The following WDR27 variants were observed in gnomAD, a reference collection of about 807,000 sequenced individuals.
The protein encoded by WDR27 is WD repeat-containing protein 27.
In WDR27, 100 loss-of-function variants were observed where a neutral mutation model predicts 114.4. The observed-to-expected ratio is 0.87, with a 90% CI of 0.74 to 1.03. The LOEUF (loss-of-function observed/expected upper bound fraction) is 1.03. WDR27 is among the 50% of genes least tolerant of loss of function. The pLI, the probability that WDR27 is intolerant of heterozygous loss-of-function variation, is 0.00. For missense variants in WDR27, 1,129 were observed against 1,092.9 expected (o/e 1.03, Z -0.47); for synonymous variants, 449 against 423.1 (o/e 1.06, Z -0.75).
chr6:169,487,033 C>CG (rs1049256656), intron 25 of WDR27, among the ~76,000 whole-genome samples: 13 of 152,134 alleles, frequency 8.5e-5, no homozygotes, highest in African/African-American at 3.1e-4. Flanking sequence ...CTGAGCAGAC[C>CG]GGACTGGGTC....
intron 25 of WDR27, among the ~76,000 whole-genome samples, chr6:169,553,256 G>C (rs1489402685): frequency 6.6e-6 from 1 of 151,978 alleles, no homozygotes; most frequent in Non-Finnish European, 1.5e-5. Context: ...GGGAGCCGCC[G>C]ACCTCTCACT....
At chr6:169,430,519 G>A in the WDR27 span, among the ~76,000 whole-genome samples, 1 of 152,232 alleles carries the variant, frequency 6.6e-6, no homozygotes, top group Non-Finnish European at 1.5e-5. Flanking sequence ...CCAAGTGCCG[G>A]AAACCTAGTA....
chr6:169,440,455 C>T, the WDR27 span, among the ~76,000 whole-genome samples: 2 of 152,110 alleles, frequency 1.3e-5, no homozygotes. Context: ...ACACAGAGTT[C>T]ACCAAACCAC....
At chr6:169,630,950 A>G (rs938297565) in intron 21 of WDR27, among the ~76,000 whole-genome samples, 8 of 152,234 alleles carry the variant, frequency 5.3e-5, no homozygotes, top group Non-Finnish European at 1.0e-4. Flanking sequence ...TTTAAAAGTT[A>G]GTAACTCAAT....
chr6:169,427,590 C>G, the WDR27 span, among the ~76,000 whole-genome samples: 2 of 152,034 alleles, frequency 1.3e-5, no homozygotes, highest in African/African-American at 4.8e-5. Context: ...GGTGTCTTTC[C>G]CAGTAATGTC....
intron 16 of WDR27, among the ~76,000 whole-genome samples, chr6:169,646,747 C>CAA (rs201219275): frequency 6.0e-4 from 47 of 78,536 alleles, no homozygotes; most frequent in East Asian, 1.2e-3. Context: ...GTCTCTGTCT[C>CAA]AAAAAAAAAA....
At chr6:169,619,743 A>C (rs1022395017) in intron 21 of WDR27, among the ~76,000 whole-genome samples, 1 of 152,366 alleles carries the variant, frequency 6.6e-6, no homozygotes, top group Non-Finnish European at 1.5e-5. Flanking sequence ...TTGAAGCCTC[A>C]TTAGTGGCTG....
chr6:169,672,239 T>C lies in WDR27; in HGVS notation c.331+16A>G. 3 of 1,610,756 alleles carry C rather than the reference T, an allele frequency of 1.9e-6. No homozygotes were observed. Among genetic ancestry groups the C allele is most frequent in the Admixed American group, 3.4e-5 (2 of 59,518 alleles). On this transcript the variant is annotated intron_variant, in intron 3 of 25. Transcript: ENST00000448612. ...TTTTGCAGGTTTTTAAAAACATGTT[T>C]TAGATTTTCATTTACCTTGAAGTAC...
intron 23 of WDR27, among the ~76,000 whole-genome samples, chr6:169,593,835 C>A (rs1806240943): frequency 6.6e-6 from 1 of 151,114 alleles, no homozygotes; most frequent in Non-Finnish European, 1.5e-5. Context: ...GGCAACAGAG[C>A]AAGACTCTGT....
chr6:169,462,153 TAAAG>T (rs953472768), intron 25 of WDR27, among the ~76,000 whole-genome samples: 3 of 151,300 alleles, frequency 2.0e-5, no homozygotes, highest in Admixed American at 6.6e-5. Context: ...AAACTCCTGA[TAAAG>T]AAAAATCTTA....
chr6:169,660,727 G>T lies in WDR27; in HGVS notation c.1065C>A (p.Ser355Arg). ...SENTRCVWIGSSVGLFVFNLA... is the reference protein window; with the variant it reads ...SENTRCVWIGRSVGLFVFNLA... ...GGTTAAATACGAATAAGCCCACTGAGCTTCCGATCCACACACATCGGGTGT... is the reference window on the plus strand; with the variant it reads ...GGTTAAATACGAATAAGCCCACTGATCTTCCGATCCACACACATCGGGTGT... The change falls in exon 10 of 26, where the codon AGC becomes AGA. Residue 355 changes from serine to arginine, a missense_variant. Ser to Arg is a moderately radical substitution (Grantham distance 110). Coordinates refer to ENST00000448612, the MANE Select transcript of WDR27 (RefSeq NM_182552.5). 6.2e-7 allele frequency: 1 copy of T among 1,613,624 alleles called. No homozygotes were observed. Among genetic ancestry groups the T allele is most frequent in the Non-Finnish European group, 8.5e-7 (1 of 1,179,808 alleles).
chr6:169,569,665 C>A (rs950471484), intron 25 of WDR27, among the ~76,000 whole-genome samples: 1 of 152,150 alleles, frequency 6.6e-6, no homozygotes, highest in African/African-American at 2.4e-5. Context: ...AAGGTCAATA[C>A]AGATGTCAAA....
In WDR27 at chr6:169,597,877, T is replaced by TTC. The variant is rs1199110824; in HGVS notation, c.2424+4341_2424+4342insGA. Among the ~76,000 whole-genome samples the TTC allele has an allele frequency of 2.8e-5, 4 of 142,290 alleles. No homozygotes were observed. The East Asian group carries it at 6.5e-4, about 23-fold the overall frequency. The allele number at this position is 142,290 out of a possible 152,430, so 93.3% of individuals were successfully genotyped here. ...GCACAACTTCACCTCTTACCATTCA[T>TTC]ACACACACACACACACACACACACA... On this transcript the variant is annotated intron_variant, in intron 23 of 25. Transcript: ENST00000448612.
At chr6:169,458,014 G>A (rs984286016) in intron 25 of WDR27, among the ~76,000 whole-genome samples, 2 of 151,952 alleles carry the variant, frequency 1.3e-5, no homozygotes, top group African/African-American at 2.4e-5. Flanking sequence ...GGAGGTGGTG[G>A]TGGTGCCAGG....
In WDR27 at chr6:169,500,893, C is replaced by T. The variant is rs185489203; in HGVS notation, c.2646-43259G>A. 1.8e-4 allele frequency among the ~76,000 whole-genome samples: 27 copies of T among 152,352 alleles called. No individual in the cohort carries two copies. The East Asian group carries it at 5.2e-3, about 29-fold the overall frequency. ...GCCCAGGGCCCCGTGCAGGGCAGGA[C>T]ACTTGCACGACCAGGCATGCTTATG... is the stretch of plus-strand genomic sequence containing the variant. On this transcript the variant is annotated intron_variant, in intron 25 of 25. Coordinates refer to ENST00000448612, the MANE Select transcript of WDR27 (RefSeq NM_182552.5).
chr6:169,576,225 T>TGCTGG lies in WDR27; in HGVS notation c.2524-3690_2524-3686dup, dbSNP rs549387027. Among the ~76,000 whole-genome samples the TGCTGG allele has an allele frequency of 7.1e-3, 1,081 of 152,336 alleles. 10 individuals carry two copies. Among genetic ancestry groups the TGCTGG allele is most frequent in the South Asian group, 0.012 (56 of 4,826 alleles). ...CCCTCAGGGGACTCACTATCCACTC[T>TGCTGG]GCTGGGCTGGGCTGGGCCTCATGGT... On this transcript the variant is annotated intron_variant, in intron 24 of 25. Coordinates refer to ENST00000448612, the MANE Select transcript of WDR27 (RefSeq NM_182552.5).
chr6:169,573,051 C>T (rs189602731), intron 24 of WDR27, among the ~76,000 whole-genome samples: 4 of 152,260 alleles, frequency 2.6e-5, no homozygotes, highest in African/African-American at 7.2e-5. Flanking sequence ...ACCTTCCCTC[C>T]GCACTCCTGC....
intron 1 of WDR27, chr6:169,689,337 C>A: frequency 5.1e-6 from 1 of 197,190 alleles, no homozygotes; most frequent in East Asian, 1.3e-4. Context: ...TACTGAGAGG[C>A]AAAGACTAAA....
At chr6:169,552,839 G>C (rs1316919739) in intron 25 of WDR27, among the ~76,000 whole-genome samples, 1 of 152,216 alleles carries the variant, frequency 6.6e-6, no homozygotes, top group Non-Finnish European at 1.5e-5. Context: ...TCTCTCAGTT[G>C]AGGCTAAAAT....
Sources: gnomAD v4.1 joint callset for allele counts (sites outside exome capture counted in the v4.1 genomes callset) on GRCh38, gnomAD v4.1.1 for gene constraint, MANE v1.5 for transcripts, NCBI Gene and HGNC (gene_info 2026-07-23, HGNC 2026-07-21) for gene names.